FERMT2: variants seen among roughly 807,000 people sequenced by gnomAD.
FERMT2 encodes fermitin family homolog 2.
A neutral mutation model predicts 82.7 loss-of-function variants in FERMT2; 15 were observed. That is an observed-to-expected ratio of 0.18 (90% CI 0.12 to 0.28). The LOEUF (loss-of-function observed/expected upper bound fraction) is 0.28. Among genes scored for constraint, FERMT2 ranks in the 10% least tolerant of loss-of-function variants. FERMT2 has a pLI of 1.00. For missense variants in FERMT2, 645 were observed against 809.4 expected, an observed-to-expected ratio of 0.80 and a Z score of 2.46; for synonymous variants, 274 against 271.5, an observed-to-expected ratio of 1.01 and a Z score of -0.09.
At chr14:52,868,808 C>CA (rs1566719255) in intron 10 of FERMT2, among the ~76,000 whole-genome samples, 1 of 152,040 alleles carries the variant, frequency 6.6e-6, no homozygotes, top group South Asian at 2.1e-4. Context: ...AACATAGTCT[C>CA]AAAAAACGAA....
At chr14:52,895,184 G>A (rs1887189148) in intron 3 of FERMT2, among the ~76,000 whole-genome samples, 1 of 152,116 alleles carries the variant, frequency 6.6e-6, no homozygotes, top group Non-Finnish European at 1.5e-5. Context: ...ACATCAAAGA[G>A]GCCAGCATTA....
chr14:52,866,710 C>T lies in FERMT2; in HGVS notation c.1274-1857G>A, dbSNP rs553248374. Among the ~76,000 whole-genome samples, 13 of 152,320 alleles carry T rather than the reference C, an allele frequency of 8.5e-5. No homozygotes were observed. The South Asian group carries it at 2.7e-3, about 32-fold the overall frequency. ...AATGCCTATTTCAAATCTTCTCAGACATCCTACAATGTCACTTGGTCTCAA... is the reference window on the plus strand; with the variant it reads ...AATGCCTATTTCAAATCTTCTCAGATATCCTACAATGTCACTTGGTCTCAA... On this transcript the variant is annotated intron_variant, in intron 10 of 14. Transcript: ENST00000341590.
chr14:52,892,402 A>C (rs1301797533), intron 4 of FERMT2, among the ~76,000 whole-genome samples: 1 of 151,274 alleles, frequency 6.6e-6, no homozygotes, highest in Non-Finnish European at 1.5e-5. Flanking sequence ...TTGGCCTCCC[A>C]AAGTGCTGGG....
intron 4 of FERMT2, among the ~76,000 whole-genome samples, chr14:52,892,745 C>T (rs192673114): frequency 2.6e-5 from 4 of 152,136 alleles, no homozygotes; most frequent in Non-Finnish European, 5.9e-5. Context: ...CGTGAGCCAC[C>T]GCGCCTGGCC....
chr14:52,929,418 G>A (rs758288688), intron 2 of FERMT2, among the ~76,000 whole-genome samples: 39 of 152,096 alleles, frequency 2.6e-4, no homozygotes, highest in Non-Finnish European at 4.7e-4. Flanking sequence ...GCGCTTTCAT[G>A]CCATTCCCCT....
chr14:52,921,032 T>C (rs775435058), intron 2 of FERMT2, among the ~76,000 whole-genome samples: 7 of 152,212 alleles, frequency 4.6e-5, no homozygotes, highest in Non-Finnish European at 8.8e-5. Context: ...AATATAGTCG[T>C]ACCTTTAAAA....
chr14:52,860,837 C>G, intron 12 of FERMT2: 1 of 641,336 alleles, frequency 1.6e-6, no homozygotes, highest in South Asian at 1.9e-5. Flanking sequence ...GAATGAATAC[C>G]TGGAATACAT....
chr14:52,944,096 A>G lies in FERMT2; in HGVS notation c.157+6316T>C, dbSNP rs150114356. Reference sequence around the variant, plus strand: ...ACTTTATTAGCTGTCACAGGATTACAGTAAAACTTGAGTACTGTCCTCCAC... The same window carrying G: ...ACTTTATTAGCTGTCACAGGATTACGGTAAAACTTGAGTACTGTCCTCCAC... On this transcript the variant is annotated intron_variant, in intron 2 of 14. Coordinates refer to ENST00000341590, the MANE Select transcript of FERMT2 (RefSeq NM_006832.3). 2.0e-5 allele frequency among the ~76,000 whole-genome samples: 3 copies of G among 152,342 alleles called. No individual in the cohort carries two copies. The East Asian group carries it at 5.8e-4, about 29-fold the overall frequency.
chr14:52,880,445 C>A (rs1342025915), intron 6 of FERMT2, among the ~76,000 whole-genome samples: 1 of 152,118 alleles, frequency 6.6e-6, no homozygotes, highest in Non-Finnish European at 1.5e-5. Context: ...GTTGCCCAGG[C>A]CGGAATGCAG....
intron 7 of FERMT2, among the ~76,000 whole-genome samples, chr14:52,877,022 G>A (rs1566724345): frequency 6.6e-6 from 1 of 152,096 alleles, no homozygotes; most frequent in Admixed American, 6.6e-5. Flanking sequence ...TCCTTCTGTA[G>A]TGATATGGAA....
chr14:52,919,382 T>G (rs760437118), intron 2 of FERMT2, 26 bp from the exon 3 acceptor site: 2 of 1,512,106 alleles, frequency 1.3e-6, no homozygotes, highest in South Asian at 2.4e-5. Flanking sequence ...AATAAACAAA[T>G]CACTTAAAAA....
At chr14:52,898,638 C>A (rs1038489992) in intron 3 of FERMT2, among the ~76,000 whole-genome samples, 1 of 152,238 alleles carries the variant, frequency 6.6e-6, no homozygotes, top group South Asian at 2.1e-4. Context: ...TGGGGCCATA[C>A]TGGGATAAAA....
At chr14:52,871,294 T>C (rs2140087295) in intron 10 of FERMT2, among the ~76,000 whole-genome samples, 1 of 152,290 alleles carries the variant, frequency 6.6e-6, no homozygotes, top group Admixed American at 6.5e-5. Flanking sequence ...TAAGGGAAGA[T>C]ACAGTGAGAG....
At chr14:52,950,206 A>T (rs921726175) in intron 2 of FERMT2, among the ~76,000 whole-genome samples, 1 of 152,242 alleles carries the variant, frequency 6.6e-6, no homozygotes, top group African/African-American at 2.4e-5. Flanking sequence ...ATCATTACAT[A>T]TGAAAATTCA....
chr14:52,859,897 A>G (rs2140045191), intron 13 of FERMT2, 183 bp from the exon 14 acceptor site: 2 of 357,718 alleles, frequency 5.6e-6, no homozygotes, highest in Non-Finnish European at 9.9e-6. Context: ...AGCTCACTGC[A>G]AGCTCCGCCT....
intron 3 of FERMT2, among the ~76,000 whole-genome samples, chr14:52,895,769 T>G (rs1169805824): frequency 6.6e-6 from 1 of 152,144 alleles, no homozygotes; most frequent in African/African-American, 2.4e-5. Context: ...TAGATACAGT[T>G]TATGGTGTAT....
At chr14:52,915,044 AAAT>A (rs923935257) in intron 3 of FERMT2, among the ~76,000 whole-genome samples, 3 of 152,220 alleles carry the variant, frequency 2.0e-5, no homozygotes, top group Non-Finnish European at 4.4e-5. Flanking sequence ...ATAAGAAAAA[AAAT>A]AAACAGCATT....
intron 2 of FERMT2, among the ~76,000 whole-genome samples, chr14:52,936,229 G>A (rs1889831360): frequency 6.6e-6 from 1 of 152,104 alleles, no homozygotes; most frequent in Non-Finnish European, 1.5e-5. Flanking sequence ...CAAAAGAAAA[G>A]CAATTTAGTA....
At chr14:52,884,652 C>G (rs1446400161) in intron 4 of FERMT2, among the ~76,000 whole-genome samples, 1 of 152,054 alleles carries the variant, frequency 6.6e-6, no homozygotes, top group Non-Finnish European at 1.5e-5. Flanking sequence ...GGGCTACACA[C>G]TGCCTCCATG....
Sources: allele counts gnomAD v4.1 joint callset (sites outside exome capture counted in the v4.1 genomes callset), GRCh38; gene constraint gnomAD v4.1.1; transcripts MANE v1.5; gene names NCBI Gene and HGNC (gene_info 2026-07-23, HGNC 2026-07-21).